The following UGT1A7 variants were observed in gnomAD, a reference collection of about 807,000 sequenced individuals.
UGT1A7 encodes the protein UDP glucuronosyltransferase family 1 member A7.
In UGT1A7, 33 loss-of-function variants were observed where a neutral mutation model predicts 45.6. The ratio of observed to expected loss-of-function variants is 0.72; its 90% confidence interval spans 0.55 to 0.97. The LOEUF is 0.97. Among genes scored for constraint, UGT1A7 ranks in the 50% least tolerant of loss-of-function variants. The probability of loss-of-function intolerance (pLI) is 0.00; values close to 1 mark genes in which losing one functional copy is unlikely to be tolerated. For synonymous variants in UGT1A7, 274 were observed against 250.6 expected, an observed-to-expected ratio of 1.09 and a Z score of -0.88; for missense variants, 684 against 666.2, an observed-to-expected ratio of 1.03 and a Z score of -0.29.
At chr2:233,695,435 CTT>C (rs747907611) in intron 1 of UGT1A7, among the ~76,000 whole-genome samples, 1 of 130,420 alleles carries the variant, frequency 7.7e-6, no homozygotes, top group Non-Finnish European at 1.7e-5. Flanking sequence ...TCTTCTTCTT[CTT>C]TTTTTTTTGA....
chr2:233,686,249 A>AT (rs142649436), intron 1 of UGT1A7, among the ~76,000 whole-genome samples: 328 of 149,594 alleles, frequency 2.2e-3, no homozygotes, highest in Admixed American at 5.4e-3. Context: ...GGTTTCTGAG[A>AT]TTTTTTTTTT....
At chr2:233,737,003 G>T (rs560792837) in intron 1 of UGT1A7, among the ~76,000 whole-genome samples, 1 of 152,206 alleles carries the variant, frequency 6.6e-6, no homozygotes, top group African/African-American at 2.4e-5. Flanking sequence ...TCAGGGACCC[G>T]CTTGAGGAGG....
rs1008257077 is a variant in UGT1A7, at chr2:233,682,304, A to C, written c.367A>C (p.Asn123His). 9.3e-6 allele frequency: 15 copies of C among 1,613,950 alleles called. No homozygotes were observed. Among genetic ancestry groups the C allele is most frequent in the Non-Finnish European group, 1.1e-5 (13 of 1,180,004 alleles). ...SNGIFDLFFS[N>H]CRSLFNDRKL... ...TGGTATTTTTGACTTATTTTTTTCA[A>C]ATTGCAGGAGTTTGTTTAATGACCG... Residue 123 changes from asparagine (N) to histidine (H), a missense_variant, in exon 1 of 5, where the codon AAT (asparagine) becomes CAT (histidine). Asn to His is a moderately conservative substitution (Grantham distance 68, BLOSUM62 1). Coordinates refer to ENST00000373426, the MANE Select transcript of UGT1A7 (RefSeq NM_019077.3).
intron 1 of UGT1A7, among the ~76,000 whole-genome samples, chr2:233,695,130 CT>C (rs71398796): frequency 0.3 from 41,647 of 138,420 alleles, 5,638 homozygotes; most frequent in African/African-American, 0.36. Flanking sequence ...CTTTTCTTTT[CT>C]TTTTTTTTTT....
chr2:233,697,833 TAAG>T (rs2125573515), intron 1 of UGT1A7, among the ~76,000 whole-genome samples: 1 of 152,318 alleles, frequency 6.6e-6, no homozygotes, highest in African/African-American at 2.4e-5. Flanking sequence ...AAAATCTAAT[TAAG>T]AAGTTAGTAA....
Position 233,683,200 on chromosome 2 carries a change from T to C in UGT1A7, c.855+408T>C, listed in dbSNP as rs45437594. 1.2e-3 allele frequency among the ~76,000 whole-genome samples: 183 copies of C among 152,314 alleles called. 7 individuals are homozygous for C. In the East Asian group the frequency reaches 0.027, roughly 22 times the overall value. On this transcript the variant is annotated intron_variant, in intron 1 of 4. Coordinates refer to ENST00000373426, the MANE Select transcript of UGT1A7 (RefSeq NM_019077.3). ...ATATGCATATATTTAGGGTAAATTG[T>C]CACTTCTATTTTATCAATATAAAAT...
At chr2:233,765,847 T>G (rs531904348) in intron 1 of UGT1A7, among the ~76,000 whole-genome samples, 5 of 152,168 alleles carry the variant, frequency 3.3e-5, no homozygotes, top group African/African-American at 9.6e-5. Context: ...CTTGTCCCCC[T>G]CACAGAGCAT....
At chr2:233,713,442 A>G in intron 1 of UGT1A7, 1 of 1,614,102 alleles carries the variant, frequency 6.2e-7, no homozygotes, top group Non-Finnish European at 8.5e-7. Context: ...TGTGGTTCTA[A>G]CAGACCCCTT....
At chr2:233,724,731 AG>A (rs1324353802) in intron 1 of UGT1A7, among the ~76,000 whole-genome samples, 1 of 143,714 alleles carries the variant, frequency 7.0e-6, no homozygotes, top group Non-Finnish European at 1.5e-5. Context: ...AGCCAGGCAG[AG>A]GGGCTCCTCA....
chr2:233,767,013 A>C, intron 1 of UGT1A7, 21 bp from the exon 2 acceptor site: 3 of 1,613,858 alleles, frequency 1.9e-6, no homozygotes, highest in Non-Finnish European at 2.5e-6. Flanking sequence ...AATTAACTGA[A>C]AATTTTTCTT....
At chr2:233,687,609 G>T (rs1575438460) in intron 1 of UGT1A7, among the ~76,000 whole-genome samples, 2 of 143,038 alleles carry the variant, frequency 1.4e-5, no homozygotes, top group Non-Finnish European at 1.5e-5. Context: ...AAAAAAAAAG[G>T]AAAGAAAAAA....
intron 1 of UGT1A7, among the ~76,000 whole-genome samples, chr2:233,711,901 G>C (rs914987018): frequency 6.6e-6 from 1 of 152,216 alleles, no homozygotes; most frequent in Non-Finnish European, 1.5e-5. Context: ...ATGGGCGTGA[G>C]ACCATTGTGA....
rs1390329998 is a variant in UGT1A7 at position 233,760,823 on chromosome 2, T to A, written c.856-6211T>A. 6.2e-7 allele frequency: 1 copy of A among 1,613,528 alleles called. No homozygotes were observed. Among genetic ancestry groups the A allele is most frequent in the East Asian group, 2.2e-5 (1 of 44,862 alleles). On this transcript the variant is annotated intron_variant, in intron 1 of 4. Coordinates refer to ENST00000373426, the MANE Select transcript of UGT1A7 (RefSeq NM_019077.3). ...TTCTTGCATGCACTGCCATGCAGCC[T>A]GGAATTTGAGGCTACCCAGTGCCCC...
intron 1 of UGT1A7, chr2:233,693,321 C>T: frequency 6.2e-7 from 1 of 1,614,222 alleles, no homozygotes. Flanking sequence ...TCATTCCTAA[C>T]TGCTCCTCAG....
At chr2:233,709,589 A>G (rs2076083811) in intron 1 of UGT1A7, among the ~76,000 whole-genome samples, 1 of 152,200 alleles carries the variant, frequency 6.6e-6, no homozygotes, top group Non-Finnish European at 1.5e-5. Flanking sequence ...ATATACCAGG[A>G]TGTGAAAGAA....
At chr2:233,691,848 T>C (rs2075060347) in intron 1 of UGT1A7, 1 of 159,620 alleles carries the variant, frequency 6.3e-6, no homozygotes, top group Admixed American at 6.5e-5. Flanking sequence ...TGTTGTTATA[T>C]TGTGATGTAT....
In UGT1A7 at chr2:233,754,812, C is replaced by A. The variant is rs570173329; in HGVS notation, c.856-12222C>A. 401 of 1,317,492 alleles carry A rather than the reference C, an allele frequency of 3.0e-4. 1 individual carries two copies. Among genetic ancestry groups the A allele is most frequent in the Non-Finnish European group, 3.4e-4 (334 of 983,548 alleles). 81.6% of individuals were successfully genotyped at this position (1,317,492 alleles called of 1,614,324 possible). On this transcript the variant is annotated intron_variant, in intron 1 of 4. Transcript: ENST00000373426. ...AAATCCTGTATCAAAAGAAGAAAAA[C>A]CACCCTCAAAAGCTGGAAATTCACT...
intron 1 of UGT1A7, among the ~76,000 whole-genome samples, chr2:233,744,973 G>T (rs771503200): frequency 1.3e-5 from 2 of 151,732 alleles, no homozygotes; most frequent in African/African-American, 2.4e-5. Context: ...CCTTCTTTAA[G>T]CCTCTAGTCA....
At chr2:233,712,531 C>G (rs1471735074) in intron 1 of UGT1A7, among the ~76,000 whole-genome samples, 1 of 152,178 alleles carries the variant, frequency 6.6e-6, no homozygotes, top group Non-Finnish European at 1.5e-5. Flanking sequence ...CTGTGTTACC[C>G]ATATGTGGGA....
Sources: allele counts gnomAD v4.1 joint callset (sites outside exome capture counted in the v4.1 genomes callset), GRCh38; gene constraint gnomAD v4.1.1; transcripts MANE v1.5; gene names NCBI Gene and HGNC (gene_info 2026-07-23, HGNC 2026-07-21).